Variants in CTNNA2 observed in about 807,000 individuals in gnomAD.
CTNNA2 encodes catenin alpha-2.
In CTNNA2, 42 loss-of-function variants were observed where a neutral mutation model predicts 101.0. That is an observed-to-expected ratio of 0.42 (90% CI 0.32 to 0.54). The LOEUF is 0.54. CTNNA2 is among the 20% of genes least tolerant of loss of function. The probability of loss-of-function intolerance (pLI) is 0.14; values close to 1 mark genes in which losing one functional copy is unlikely to be tolerated. For synonymous variants in CTNNA2, 450 were observed against 456.4 expected (o/e 0.99, Z 0.18); for missense variants, 871 against 1,223.1 (o/e 0.71, Z 4.29).
rs72925405 is a variant in CTNNA2 at position 79,684,779 on chromosome 2, A to G, written c.102+33121A>G. On this transcript the variant is annotated intron_variant, in intron 2 of 18. Transcript: ENST00000402739. The stretch of plus-strand genomic sequence containing the variant: ...TTTATTTGCCATGAAATGACTATAC[A>G]CATTTCCTTTTCTTTATTTATGTCT... 9.3e-3 allele frequency among the ~76,000 whole-genome samples: 1,419 copies of G among 152,300 alleles called. 34 individuals are homozygous for G. The highest frequency in any genetic ancestry group is 0.032 in the African/African-American group (1,322 of 41,556).
chr2:80,075,654 TAATA>T (rs1698670650), intron 7 of CTNNA2, among the ~76,000 whole-genome samples: 1 of 102,776 alleles, frequency 9.7e-6, no homozygotes, highest in Non-Finnish European at 1.8e-5. Flanking sequence ...ATTATAAAAA[TAATA>T]TTTATACATG....
chr2:79,195,095 C>A lies in CTNNA2; in HGVS notation c.-523-2864C>A, dbSNP rs78251644. Among the ~76,000 whole-genome samples the A allele has an allele frequency of 3.4e-3, 515 of 152,088 alleles. 3 individuals carry two copies. The highest frequency in any genetic ancestry group is 0.012 in the African/African-American group (478 of 41,504). On this transcript the variant is annotated intron_variant, in intron 1 of 21. Coordinates refer to the CTNNA2 transcript ENST00000466387. ...CTTTGAAACATTCACAGTGTTCTTC[C>A]GAGGAATTTTTAATGCCACAGTGAT... is the stretch of plus-strand genomic sequence containing the variant.
chr2:79,813,825 T>C lies in CTNNA2; in HGVS notation c.299-44188T>C, dbSNP rs565107942. Among the ~76,000 whole-genome samples, 20 of 152,268 alleles carry C rather than the reference T, an allele frequency of 1.3e-4. No individual in the cohort carries two copies. The South Asian group carries it at 3.5e-3, about 27-fold the overall frequency. The stretch of plus-strand genomic sequence containing the variant: ...TAGTTTCCTAGAGTTTGCATGACAA[T>C]GATATAAATGGGATACTTTAAAACA... On this transcript the variant is annotated intron_variant, in intron 3 of 18. Coordinates refer to ENST00000402739, the MANE Select transcript of CTNNA2 (RefSeq NM_001282597.3).
chr2:80,645,287 A>G (rs1359838388), intron 18 of CTNNA2, among the ~76,000 whole-genome samples: 4 of 152,146 alleles, frequency 2.6e-5, no homozygotes, highest in Non-Finnish European at 5.9e-5. Context: ...AGAAACTGTG[A>G]CTTATCTGTT....
upstream of CTNNA2, among the ~76,000 whole-genome samples, chr2:79,508,975 A>AAACAAT: frequency 3.0e-5 from 1 of 33,338 alleles, no homozygotes; most frequent in African/African-American, 1.4e-4. Context: ...ATATATATAT[A>AAACAAT]TATATATATA....
At chr2:79,602,963 A>G (rs552899059) in intron 1 of CTNNA2, among the ~76,000 whole-genome samples, 1 of 152,312 alleles carries the variant, frequency 6.6e-6, no homozygotes, top group African/African-American at 2.4e-5. Context: ...ACGAATCTGA[A>G]GTTCACATAT....
chr2:80,476,952 C>A (rs1157691536), intron 9 of CTNNA2, among the ~76,000 whole-genome samples: 1 of 152,056 alleles, frequency 6.6e-6, no homozygotes, highest in Non-Finnish European at 1.5e-5. Flanking sequence ...GTAAAGAGGC[C>A]TTTTACTACC....
chr2:79,453,620 T>C (rs1183449283), intron 4 of CTNNA2, among the ~76,000 whole-genome samples: 1 of 152,152 alleles, frequency 6.6e-6, no homozygotes, highest in African/African-American at 2.4e-5. Flanking sequence ...TTTCCTTCCA[T>C]AGATGTGGCC....
chr2:80,259,753 G>C (rs944380108), intron 7 of CTNNA2, among the ~76,000 whole-genome samples: 7 of 152,204 alleles, frequency 4.6e-5, no homozygotes, highest in African/African-American at 1.7e-4. Context: ...TGATGTAGAA[G>C]ATATAGGTTT....
intron 4 of CTNNA2, among the ~76,000 whole-genome samples, chr2:79,399,815 T>C (rs548286874): frequency 6.6e-6 from 1 of 152,052 alleles, no homozygotes; most frequent in Non-Finnish European, 1.5e-5. Context: ...ACATTCACTA[T>C]TAGAAATATA....
At chr2:80,100,003 C>A (rs375766884) in intron 7 of CTNNA2, among the ~76,000 whole-genome samples, 4 of 152,208 alleles carry the variant, frequency 2.6e-5, no homozygotes, top group African/African-American at 7.2e-5. Flanking sequence ...AATCTCAGCT[C>A]ACTGCAACCT....
intron 15 of CTNNA2, among the ~76,000 whole-genome samples, chr2:80,597,448 T>G (rs1573405980): frequency 6.6e-6 from 1 of 151,850 alleles, no homozygotes; most frequent in South Asian, 2.1e-4. Context: ...CAAAAGCAAT[T>G]GTAACAAAAA....
At chr2:79,284,841 G>C (rs1208600527) in intron 2 of CTNNA2, among the ~76,000 whole-genome samples, 1 of 145,538 alleles carries the variant, frequency 6.9e-6, no homozygotes, top group African/African-American at 2.6e-5. Flanking sequence ...AATGGTACCA[G>C]TTCCTCCTTG....
chr2:80,414,055 G>A (rs1205966893), intron 8 of CTNNA2, among the ~76,000 whole-genome samples: 2 of 152,156 alleles, frequency 1.3e-5, no homozygotes, highest in African/African-American at 2.4e-5. Flanking sequence ...GATGGCATTG[G>A]GTTGCTCAGA....
Position 79,573,363 on chromosome 2 carries a change from C to T in CTNNA2, c.-6+60156C>T, listed in dbSNP as rs183758036. ...TTGTTCCTAGCCTCATACCCAAATGCAATTAAAGATATCTCCTGTATTGTC... is the reference window on the plus strand; with the variant it reads ...TTGTTCCTAGCCTCATACCCAAATGTAATTAAAGATATCTCCTGTATTGTC... On this transcript the variant is annotated intron_variant, in intron 1 of 18. Coordinates refer to ENST00000402739, the MANE Select transcript of CTNNA2 (RefSeq NM_001282597.3). 6.6e-5 allele frequency among the ~76,000 whole-genome samples: 10 copies of T among 152,304 alleles called. No homozygotes were observed. In the East Asian group the frequency reaches 1.9e-3, roughly 29 times the overall value.
rs115599798 is a variant in CTNNA2, at chr2:80,638,165, G to A, written c.2575-9420G>A. Among the ~76,000 whole-genome samples the A allele has an allele frequency of 6.5e-3, 982 of 152,214 alleles. 8 individuals carry two copies. The highest frequency in any genetic ancestry group is 0.023 in the African/African-American group (942 of 41,546). ...GCTAGCTGGCTCTCCTATCGGTAAGGCAAAAAGGAGGCTTAGCTCCTTGCA... is the reference window on the plus strand; with the variant it reads ...GCTAGCTGGCTCTCCTATCGGTAAGACAAAAAGGAGGCTTAGCTCCTTGCA... On this transcript the variant is annotated intron_variant, in intron 18 of 18. Coordinates refer to ENST00000402739, the MANE Select transcript of CTNNA2 (RefSeq NM_001282597.3).
At chr2:79,490,760 G>C (rs1188034703) in intron 4 of CTNNA2, among the ~76,000 whole-genome samples, 1 of 152,168 alleles carries the variant, frequency 6.6e-6, no homozygotes, top group African/African-American at 2.4e-5. Flanking sequence ...TTTATTCAAA[G>C]GCTTTTATTT....
chr2:80,602,661 TG>T (rs1697654541), intron 15 of CTNNA2, among the ~76,000 whole-genome samples: 1 of 152,090 alleles, frequency 6.6e-6, no homozygotes, highest in Admixed American at 6.6e-5. Flanking sequence ...AATAAAAATA[TG>T]TTAGGGAATA....
chr2:80,214,921 T>C (rs934842134), intron 7 of CTNNA2, among the ~76,000 whole-genome samples: 3 of 152,198 alleles, frequency 2.0e-5, no homozygotes, highest in African/African-American at 7.2e-5. Flanking sequence ...TGGTCTTTTC[T>C]TATAGTCCCA....
Sources: gnomAD v4.1 joint callset for allele counts (sites outside exome capture counted in the v4.1 genomes callset) on GRCh38, gnomAD v4.1.1 for gene constraint, MANE v1.5 for transcripts, NCBI Gene and HGNC (gene_info 2026-07-23, HGNC 2026-07-21) for gene names.